CWC27: variants seen among roughly 807,000 people sequenced by gnomAD.
CWC27 encodes spliceosome-associated protein CWC27 homolog.
CWC27 carries 47 observed loss-of-function variants against 63.6 expected under a neutral mutation model. The observed-to-expected ratio is 0.74, with a 90% CI of 0.58 to 0.94. The LOEUF (loss-of-function observed/expected upper bound fraction) is 0.94, where lower values mean the gene tolerates loss of function less well. CWC27 is among the 40% of genes least tolerant of loss of function. The pLI, the probability that CWC27 is intolerant of heterozygous loss-of-function variation, is 0.00. For missense variants in CWC27, 495 were observed against 554.3 expected, an observed-to-expected ratio of 0.89 and a Z score of 1.07; for synonymous variants, 175 against 179.8, an observed-to-expected ratio of 0.97 and a Z score of 0.22.
chr5:64,834,258 A>G (rs1173105989), intron 10 of CWC27, among the ~76,000 whole-genome samples: 1 of 151,700 alleles, frequency 6.6e-6, no homozygotes, highest in Non-Finnish European at 1.5e-5. Flanking sequence ...AACCAGCTGC[A>G]TAACTCTGCT....
At chr5:64,943,099 A>G (rs951618424) in intron 11 of CWC27, among the ~76,000 whole-genome samples, 1 of 152,268 alleles carries the variant, frequency 6.6e-6, no homozygotes, top group East Asian at 1.9e-4. Context: ...TTTCAATAAA[A>G]ACTGGTGATA....
rs5868390 is a variant in CWC27 at position 64,865,123 on chromosome 5, TAAA to T, written c.939-20309_939-20307del. Among the ~76,000 whole-genome samples the T allele has an allele frequency of 1.5e-3, 222 of 148,264 alleles. 1 individual carries two copies. Among genetic ancestry groups the T allele is most frequent in the African/African-American group, 5.0e-3 (204 of 40,510 alleles). On this transcript the variant is annotated intron_variant, in intron 10 of 13. Coordinates refer to ENST00000381070, the MANE Select transcript of CWC27 (RefSeq NM_005869.4). Reference sequence around the variant, plus strand: ...ATACAGTGCAACATGCTAAGGGCATTAAAAAAAAAAAAACTTGGGGTAACAGCA... The same window carrying T: ...ATACAGTGCAACATGCTAAGGGCATTAAAAAAAAAACTTGGGGTAACAGCA...
At chr5:64,974,688 T>C (rs1749193194) in intron 12 of CWC27, among the ~76,000 whole-genome samples, 1 of 152,132 alleles carries the variant, frequency 6.6e-6, no homozygotes, top group Non-Finnish European at 1.5e-5. Context: ...ATTTATGCAA[T>C]AGTAGATATA....
intron 11 of CWC27, among the ~76,000 whole-genome samples, chr5:64,930,757 A>G (rs1041521186): frequency 7.2e-5 from 11 of 152,122 alleles, no homozygotes; most frequent in Admixed American, 6.5e-4. Flanking sequence ...ACCTTGACTG[A>G]CTGATCAGAA....
rs1580691804 is a variant in CWC27 at position 64,871,524 on chromosome 5, G to A, written c.939-13919G>A. Among the ~76,000 whole-genome samples, 5 of 152,164 alleles carry A rather than the reference G, an allele frequency of 3.3e-5. 1 individual carries two copies. The South Asian group carries it at 1.0e-3, about 32-fold the overall frequency. The stretch of plus-strand genomic sequence containing the variant: ...GAACTAACAGGATTTTAGGATGTGG[G>A]AATGCATGCAAAAAGTGAGGCAAGA... On this transcript the variant is annotated intron_variant, in intron 10 of 13. Transcript: ENST00000381070.
chr5:64,786,462 G>A (rs1743889250), intron 5 of CWC27, 62 bp from the exon 6 acceptor site: 15 of 960,436 alleles, frequency 1.6e-5, no homozygotes, highest in East Asian at 2.7e-5. Context: ...TTACATACGG[G>A]GTTTGATTTT....
At chr5:64,870,984 A>G (rs1226672454) in intron 10 of CWC27, among the ~76,000 whole-genome samples, 1 of 152,136 alleles carries the variant, frequency 6.6e-6, no homozygotes, top group Non-Finnish European at 1.5e-5. Flanking sequence ...ATAAGTATAT[A>G]GAATTGCTGA....
At chr5:64,888,377 T>TATATATAA (rs1486562186) in intron 11 of CWC27, among the ~76,000 whole-genome samples, 13 of 146,700 alleles carry the variant, frequency 8.9e-5, no homozygotes, top group Admixed American at 2.7e-4. Context: ...ATAATTTGTT[T>TATATATAA]ATATATAAAT....
intron 11 of CWC27, among the ~76,000 whole-genome samples, chr5:64,894,619 C>G (rs1421524394): frequency 6.6e-6 from 1 of 152,150 alleles, no homozygotes; most frequent in East Asian, 1.9e-4. Context: ...GGAGTCCAAA[C>G]TGATCCCCTC....
chr5:64,986,365 G>A (rs1364509515), intron 13 of CWC27, among the ~76,000 whole-genome samples: 1 of 152,122 alleles, frequency 6.6e-6, no homozygotes, highest in Non-Finnish European at 1.5e-5. Context: ...AACCAGCTTT[G>A]TGTACCTGGG....
intron 11 of CWC27, among the ~76,000 whole-genome samples, chr5:64,941,402 T>C (rs966348015): frequency 5.9e-5 from 9 of 152,184 alleles, no homozygotes; most frequent in African/African-American, 1.9e-4. Context: ...TGTTCTCCAA[T>C]AGTGAGAATA....
intron 13 of CWC27, among the ~76,000 whole-genome samples, chr5:64,997,038 G>A (rs1749645899): frequency 6.6e-6 from 1 of 152,098 alleles, no homozygotes; most frequent in African/African-American, 2.4e-5. Context: ...CCTTTAAATT[G>A]TAGAAAATGT....
intron 11 of CWC27, among the ~76,000 whole-genome samples, chr5:64,942,029 A>G (rs943703594): frequency 7.9e-5 from 12 of 152,322 alleles, no homozygotes; most frequent in African/African-American, 2.9e-4. Context: ...GCAGTTATTT[A>G]CATGAGTAGA....
intron 11 of CWC27, among the ~76,000 whole-genome samples, chr5:64,971,376 G>T (rs1449320401): frequency 1.3e-5 from 2 of 152,178 alleles, no homozygotes; most frequent in African/African-American, 4.8e-5. Flanking sequence ...AAATGGTATT[G>T]CTGAATTTTA....
chr5:64,963,462 G>C (rs1748956626), intron 11 of CWC27, among the ~76,000 whole-genome samples: 1 of 152,134 alleles, frequency 6.6e-6, no homozygotes, highest in African/African-American at 2.4e-5. Context: ...ACAGAGCTAA[G>C]GAAATTACTC....
chr5:64,885,566 T>G lies in CWC27; in HGVS notation c.1042+20T>G, dbSNP rs1252180471. On this transcript the variant is annotated intron_variant, in intron 11 of 13. Transcript: ENST00000381070. ...GTGAAGGTAAGGGCATTTATCACGC[T>G]TATTTTTTCACTTGATACTCCTCCT... 1.5e-5 allele frequency: 23 copies of G among 1,553,118 alleles called. No homozygotes were observed. The highest frequency in any genetic ancestry group is 2.0e-5 in the Non-Finnish European group (23 of 1,138,162).
Position 64,852,724 on chromosome 5 carries a change from C to T in CWC27, c.939-32719C>T, listed in dbSNP as rs189806052. On this transcript the variant is annotated intron_variant, in intron 10 of 13. Coordinates refer to ENST00000381070, the MANE Select transcript of CWC27 (RefSeq NM_005869.4). ...CTGACCTCAGGTGATCTGTTTGCCTCGGCCTCCCAAAGTGCTGGAATTACA... is the reference window on the plus strand; with the variant it reads ...CTGACCTCAGGTGATCTGTTTGCCTTGGCCTCCCAAAGTGCTGGAATTACA... Among the ~76,000 whole-genome samples the T allele has an allele frequency of 2.4e-3, 357 of 151,326 alleles. 1 individual carries two copies. Among genetic ancestry groups the T allele is most frequent in the African/African-American group, 8.3e-3 (342 of 41,266 alleles).
At chr5:65,014,852 T>C (rs768881391) in intron 13 of CWC27, among the ~76,000 whole-genome samples, 1 of 152,224 alleles carries the variant, frequency 6.6e-6, no homozygotes, top group Non-Finnish European at 1.5e-5. Context: ...GGATGAAGCA[T>C]TTTGATTATG....
At chr5:64,966,464 A>C (rs1409336195) in intron 11 of CWC27, among the ~76,000 whole-genome samples, 1 of 152,176 alleles carries the variant, frequency 6.6e-6, no homozygotes, top group Non-Finnish European at 1.5e-5. Flanking sequence ...GCCACATGTC[A>C]GACAGTATTT....
Sources: gnomAD v4.1 joint callset for allele counts (sites outside exome capture counted in the v4.1 genomes callset) on GRCh38, gnomAD v4.1.1 for gene constraint, MANE v1.5 for transcripts, NCBI Gene and HGNC (gene_info 2026-07-23, HGNC 2026-07-21) for gene names.